HERC1: variants seen among roughly 807,000 people sequenced by gnomAD.
HERC1 encodes HECT and RLD domain containing E3 ubiquitin protein ligase family member 1.
HERC1 carries 160 observed loss-of-function variants against 554.3 expected under a neutral mutation model. The ratio of observed to expected loss-of-function variants is 0.29; its 90% CI spans 0.25 to 0.33. HERC1 has a LOEUF of 0.33. Ranked by LOEUF, HERC1 falls within the 10% of genes least tolerant of loss-of-function variation. The pLI is 1.00. For synonymous variants in HERC1, 2,175 were observed against 2,131.7 expected (o/e 1.02, Z -0.56); for missense variants, 4,919 against 5,918.5 (o/e 0.83, Z 5.54).
intron 74 of HERC1, among the ~76,000 whole-genome samples, chr15:63,621,393 G>T (rs1209433926): frequency 6.6e-6 from 1 of 152,154 alleles, no homozygotes; most frequent in African/African-American, 2.4e-5. Context: ...CCCTTTGTGG[G>T]TAACCCGACC....
chr15:63,733,237 C>A, intron 13 of HERC1, 92 bp from the exon 14 acceptor site: 2 of 752,396 alleles, frequency 2.7e-6, no homozygotes, highest in Non-Finnish European at 4.6e-6. Context: ...TACTAATCCA[C>A]TTACTAGCTT....
intron 74 of HERC1, among the ~76,000 whole-genome samples, chr15:63,618,322 G>C (rs995857931): frequency 1.3e-5 from 2 of 152,106 alleles, no homozygotes; most frequent in African/African-American, 4.8e-5. Flanking sequence ...TAGATATGCG[G>C]CATTATTTCT....
In HERC1 at chr15:63,734,553, A is replaced by G; in HGVS notation, c.2646+171T>C. On this transcript the variant is annotated intron_variant, in intron 13 of 77. Transcript: ENST00000443617. This position sits in a 1 kb window ranked among gnomAD's most constrained non-coding sequence, Gnocchi z 4.6. The stretch of plus-strand genomic sequence containing the variant: ...GCCCCAAATAACTTAATAAATTATC[A>G]CTTGCTTCACCTAAGGTTGTTAAGA... The G allele has an allele frequency of 2.2e-6, 1 of 454,090 alleles. No homozygotes were observed. Among genetic ancestry groups the G allele is most frequent in the Non-Finnish European group, 3.8e-6 (1 of 260,642 alleles). 28.1% of individuals were successfully genotyped at this position (454,090 alleles called of 1,614,324 possible). A position where few individuals can be genotyped will look rare whatever the true frequency, so the allele number is the denominator to read the frequency against.
chr15:63,626,061 C>G lies in HERC1; in HGVS notation c.13199G>C (p.Arg4400Thr). ...AGAGAAGTGGTAGAGCAGCCGGAGC[C>G]TGGCCCGCACCGTGTGAATGCTGAC... ...REVSIHTVRA[R>T]LRLLYHFSDL... Residue 4400 changes from arginine (R) to threonine (T), a missense_variant, in exon 71 of 78, where the codon AGG becomes ACG. By Grantham distance (71) the Arg-to-Thr change is moderately conservative (BLOSUM62 -1). Around this residue, in one of 11 missense-constraint regions of HERC1, gnomAD observed 410 missense variants for 467.0 expected, o/e 0.88. Transcript: ENST00000443617. The G allele has an allele frequency of 6.2e-7, 1 of 1,613,410 alleles. No homozygotes were observed. Among genetic ancestry groups the G allele is most frequent in the Non-Finnish European group, 8.5e-7 (1 of 1,179,678 alleles).
chr15:63,694,100 A>G lies in HERC1; in HGVS notation c.5538T>C (p.Cys1846=), dbSNP rs769110626. The G allele has an allele frequency of 1.9e-6, 3 of 1,610,722 alleles. No individual in the cohort carries two copies. The South Asian group carries it at 3.3e-5, about 18-fold the overall frequency. ...GGGACAATAAATTCTTCAACTGACT[A>G]CAGAGTAGATCCAACAAGGATTGAA... ...KVVQSLLDLL[C]SQLKNLLSQT... The change falls in exon 30 of 78, where the codon TGT becomes TGC. Residue 1846 remains cysteine, a synonymous_variant. Coordinates refer to ENST00000443617, the MANE Select transcript of HERC1 (RefSeq NM_003922.4). The surrounding 1 kb of genome is among the most constrained non-coding windows in gnomAD (Gnocchi z 4.3).
In HERC1 at chr15:63,734,400, T is replaced by G. The variant is rs774246944; in HGVS notation, c.2646+324A>C. ...TTTATACAAACGATTTCAGACAAAG[T>G]TCTCAGCATGGAACCAACAGTAGCA... On this transcript the variant is annotated intron_variant, in intron 13 of 77. Transcript: ENST00000443617. This position sits in a 1 kb window ranked among gnomAD's most constrained non-coding sequence, Gnocchi z 4.6. 6.6e-5 allele frequency among the ~76,000 whole-genome samples: 10 copies of G among 152,178 alleles called. No individual in the cohort carries two copies. The highest frequency in any genetic ancestry group is 1.5e-4 in the Non-Finnish European group (10 of 68,032).
At chr15:63,769,613 G>A (rs945483163) in intron 2 of HERC1, among the ~76,000 whole-genome samples, 5 of 151,932 alleles carry the variant, frequency 3.3e-5, no homozygotes, top group African/African-American at 4.8e-5. Flanking sequence ...CAGCACTTTC[G>A]GAGACTAAGG....
chr15:63,739,731 C>T (rs2074712998), intron 12 of HERC1, among the ~76,000 whole-genome samples: 3 of 151,798 alleles, frequency 2.0e-5, no homozygotes, highest in Admixed American at 6.6e-5. Flanking sequence ...CCCGGCTACT[C>T]GGGAGGCGAG....
intron 2 of HERC1, among the ~76,000 whole-genome samples, chr15:63,764,800 C>T (rs2075721159): frequency 6.6e-6 from 1 of 152,234 alleles, no homozygotes; most frequent in Middle Eastern, 3.4e-3. Context: ...GGCAGTCTCC[C>T]AACAGACAGA....
At chr15:63,671,447 C>T (rs892376471) in intron 39 of HERC1, among the ~76,000 whole-genome samples, 9 of 151,706 alleles carry the variant, frequency 5.9e-5, no homozygotes, top group Admixed American at 3.3e-4. Context: ...TTTGAACAGA[C>T]GCACCTCCTG....
Position 63,672,665 on chromosome 15 carries a change from G to T in HERC1, c.7876C>A (p.Pro2626Thr), listed in dbSNP as rs374379859. The T allele has an allele frequency of 2.5e-6, 4 of 1,608,900 alleles. No individual in the cohort carries two copies. The highest frequency in any genetic ancestry group is 3.4e-6 in the Non-Finnish European group (4 of 1,177,084). The change falls in exon 39 of 78, where the codon CCT (proline) becomes ACT (threonine). Residue 2626 changes from proline (P) to threonine (T), a missense_variant. Pro to Thr is a conservative substitution (Grantham distance 38). Coordinates refer to ENST00000443617, the MANE Select transcript of HERC1 (RefSeq NM_003922.4). ...EIDQQAEESD[P>T]AQQAQTPVTT... ...ACTGGTGTCTGTGCCTGCTGGGCAG[G>T]GTCACTTTCTTCAGCTTGTTGATCA... is the stretch of plus-strand genomic sequence containing the variant.
At chr15:63,702,266 C>A (rs564888102) in intron 25 of HERC1, among the ~76,000 whole-genome samples, 6 of 152,062 alleles carry the variant, frequency 3.9e-5, no homozygotes, top group Non-Finnish European at 2.9e-5. Flanking sequence ...CATTTACATT[C>A]GCTTTTCTTT....
chr15:63,695,023 T>C, intron 27 of HERC1, 129 bp from the exon 28 acceptor site: 1 of 711,364 alleles, frequency 1.4e-6, no homozygotes, highest in Non-Finnish European at 1.9e-6. Context: ...TTACTATATT[T>C]CATATATAAA....
Position 63,649,821 on chromosome 15 carries a change from A to G in HERC1, c.10651T>C (p.Leu3551=). Residue 3551 remains leucine (L), a synonymous_variant, in exon 54 of 78, where the codon TTG becomes CTG. Transcript: ENST00000443617. ...AWSGESPELL[L]VGRMDGSLGL... is the part of the protein sequence containing the mutation. ...AGAGATCCATCCATCCGTCCCACCA[A>G]CAACAATTCTGGAGACTCTCCTGAC... 1 of 1,613,534 alleles carries G rather than the reference A, an allele frequency of 6.2e-7. No individual in the cohort carries two copies. The highest frequency in any genetic ancestry group is 1.1e-5 in the South Asian group (1 of 90,926).
intron 3 of HERC1, among the ~76,000 whole-genome samples, chr15:63,761,256 T>C (rs1227921646): frequency 6.6e-6 from 1 of 152,100 alleles, no homozygotes; most frequent in Non-Finnish European, 1.5e-5. Flanking sequence ...TAAGTAATCA[T>C]TTGTAGAACT....
At chr15:63,609,322 G>C in intron 77 of HERC1, 56 bp from the exon 78 acceptor site, 2 of 1,486,390 alleles carry the variant, frequency 1.3e-6, no homozygotes, top group Non-Finnish European at 1.8e-6. Flanking sequence ...ATAAGGGGGA[G>C]TGGGGCTGCC....
chr15:63,821,902 A>C (rs1567162941), intron 1 of HERC1, among the ~76,000 whole-genome samples: 1 of 152,154 alleles, frequency 6.6e-6, no homozygotes, highest in Non-Finnish European at 1.5e-5. Context: ...TCTAGTAAGG[A>C]AGACAAATAA....
intron 34 of HERC1, among the ~76,000 whole-genome samples, chr15:63,683,202 T>C (rs191261772): frequency 1.3e-5 from 2 of 150,358 alleles, no homozygotes; most frequent in Non-Finnish European, 3.0e-5. Flanking sequence ...TGTAACTTCA[T>C]AAATGCTAAA....
chr15:63,693,900 T>C lies in HERC1; in HGVS notation c.5674+64A>G, dbSNP rs1393482396. 6 of 1,469,818 alleles carry C rather than the reference T, an allele frequency of 4.1e-6. No individual in the cohort carries two copies. The African/African-American group carries it at 8.5e-5, about 21-fold the overall frequency. 91.0% of individuals were successfully genotyped at this position (1,469,818 alleles called of 1,614,324 possible). ...GAAGAGGAACTCTACATCCTAATCA[T>C]ATGCACACAATGGGGTTTTAATAAA... On this transcript the variant is annotated intron_variant, in intron 30 of 77. Transcript: ENST00000443617.
Sources: allele counts gnomAD v4.1 joint callset (sites outside exome capture counted in the v4.1 genomes callset), GRCh38; gene constraint gnomAD v4.1.1; regional missense constraint gnomAD v4.1.1; non-coding constraint Gnocchi (gnomAD v3.1); transcripts MANE v1.5; gene names NCBI Gene and HGNC (gene_info 2026-07-23, HGNC 2026-07-21).